EVC: variants seen among roughly 807,000 people sequenced by gnomAD.
EVC encodes the protein EvC ciliary complex subunit 1.
A neutral mutation model predicts 118.9 loss-of-function variants in EVC; 116 were observed. That is an observed-to-expected ratio of 0.98 (90% CI 0.84 to 1.14). The LOEUF (loss-of-function observed/expected upper bound fraction) is 1.14. EVC is among the 50% of genes most tolerant of loss of function. The pLI is 0.00. For synonymous variants in EVC, 619 were observed against 534.7 expected (o/e 1.16, Z -2.18); for missense variants, 1,401 against 1,246.4 (o/e 1.12, Z -1.87).
At chr4:5,758,276 G>C (rs920474022) in intron 11 of EVC, 2 of 581,080 alleles carry the variant, frequency 3.4e-6, no homozygotes, top group Non-Finnish European at 6.1e-6. Context: ...ATGCCCTCCG[G>C]AACGGTGAGA....
intron 13 of EVC, among the ~76,000 whole-genome samples, chr4:5,795,972 A>T (rs1219577165): frequency 6.6e-6 from 1 of 151,138 alleles, no homozygotes; most frequent in Non-Finnish European, 1.5e-5. Context: ...TTTATCCCAT[A>T]TGTCTCTTAC....
rs145280084 is a variant in EVC, at chr4:5,742,490, C to A, written c.801+676C>A. On this transcript the variant is annotated intron_variant, in intron 6 of 20. Transcript: ENST00000264956. The surrounding 1 kb of genome is among the most constrained non-coding windows in gnomAD (Gnocchi z 5.2). The stretch of plus-strand genomic sequence containing the variant: ...CACCACCACTATTACTATCACAGTT[C>A]TCTTCTTCATCATGTCATTGTTGTC... 1.3e-5 allele frequency among the ~76,000 whole-genome samples: 2 copies of A among 151,934 alleles called. No individual in the cohort carries two copies. The highest frequency in any genetic ancestry group is 2.9e-5 in the Non-Finnish European group (2 of 67,964).
chr4:5,745,366 T>A, intron 7 of EVC, 25 bp downstream of exon 7: 1 of 1,606,392 alleles, frequency 6.2e-7, no homozygotes, highest in South Asian at 1.1e-5. Context: ...TTCTTTCCTG[T>A]ACACAAATTT....
At chr4:5,766,875 T>C (rs988641279) in intron 11 of EVC, among the ~76,000 whole-genome samples, 3 of 151,874 alleles carry the variant, frequency 2.0e-5, no homozygotes, top group African/African-American at 7.3e-5. Context: ...CAGAGTAATT[T>C]GATCGTCTGA....
In EVC at chr4:5,742,070, T is replaced by C. The variant is rs930215567; in HGVS notation, c.801+256T>C. Among the ~76,000 whole-genome samples the C allele has an allele frequency of 6.6e-6, 1 of 152,238 alleles. No individual in the cohort carries two copies. The highest frequency in any genetic ancestry group is 1.5e-5 in the Non-Finnish European group (1 of 68,052). On this transcript the variant is annotated intron_variant, in intron 6 of 20. Coordinates refer to ENST00000264956, the MANE Select transcript of EVC (RefSeq NM_153717.3). The surrounding 1 kb of genome is among the most constrained non-coding windows in gnomAD (Gnocchi z 5.2). Reference sequence around the variant, plus strand: ...ACTCAAAGACGGTCACTGTTAATGTTTTTTTCTGCACACATTTGGGATATT... The same window carrying C: ...ACTCAAAGACGGTCACTGTTAATGTCTTTTTCTGCACACATTTGGGATATT...
chr4:5,742,382 C>T lies in EVC; in HGVS notation c.801+568C>T, dbSNP rs1192243583. Among the ~76,000 whole-genome samples the T allele has an allele frequency of 6.6e-6, 1 of 152,104 alleles. No individual in the cohort carries two copies. Among genetic ancestry groups the T allele is most frequent in the Non-Finnish European group, 1.5e-5 (1 of 68,012 alleles). Reference sequence around the variant, plus strand: ...ATAGTTGGCTGTGAATATGTGATGGCTGCTGTCATCCTCATTATCACAACC... The same window carrying T: ...ATAGTTGGCTGTGAATATGTGATGGTTGCTGTCATCCTCATTATCACAACC... On this transcript the variant is annotated intron_variant, in intron 6 of 20. Coordinates refer to ENST00000264956, the MANE Select transcript of EVC (RefSeq NM_153717.3). This position sits in a 1 kb window ranked among gnomAD's most constrained non-coding sequence, Gnocchi z 5.2.
chr4:5,728,088 G>A (rs191311552), intron 2 of EVC, among the ~76,000 whole-genome samples: 94 of 152,118 alleles, frequency 6.2e-4, no homozygotes, highest in Admixed American at 5.0e-3. Context: ...ACTTTAAAGT[G>A]GTTTTTTCCA....
At chr4:5,723,562 G>C (rs1725329264) in intron 2 of EVC, among the ~76,000 whole-genome samples, 1 of 152,120 alleles carries the variant, frequency 6.6e-6, no homozygotes, top group Non-Finnish European at 1.5e-5. Context: ...CAGGGATTTT[G>C]CTTTTCTCTC....
chr4:5,810,393 TG>T lies in EVC; in HGVS notation c.2842del (p.Val948CysfsTer22). 6.2e-7 allele frequency: 1 copy of T among 1,613,914 alleles called. No homozygotes were observed. Among genetic ancestry groups the T allele is most frequent in the Non-Finnish European group, 8.5e-7 (1 of 1,179,976 alleles). On this transcript the variant is annotated frameshift_variant, in exon 20 of 21. Transcript: ENST00000264956. LOFTEE classifies it high-confidence loss of function. ...KKPLPQERGDLGVPNNEDLAS... is the reference protein window; with the variant it reads ...KKPLPQERGDXGVPNNEDLAS... ...CCCCTGCCCCAGGAAAGAGGGGACCTGGGGGTGCCCAACAATGAGGACCTTG... is the reference window on the plus strand; with the variant it reads ...CCCCTGCCCCAGGAAAGAGGGGACCTGGGGTGCCCAACAATGAGGACCTTG...
chr4:5,727,306 A>G (rs1293418767), intron 2 of EVC, among the ~76,000 whole-genome samples: 1 of 152,108 alleles, frequency 6.6e-6, no homozygotes, highest in African/African-American at 2.4e-5. Flanking sequence ...TTTGATGTGC[A>G]TTTCTCTGAT....
chr4:5,741,580 G>C (rs930417068), intron 5 of EVC, 136 bp from the exon 6 acceptor site: 2 of 601,120 alleles, frequency 3.3e-6, no homozygotes, highest in South Asian at 3.9e-5. Context: ...AAAAATATAC[G>C]TGAAGAGAGG....
chr4:5,825,292 C>T, the EVC span: 1 of 985,296 alleles, frequency 1.0e-6, no homozygotes, highest in Admixed American at 6.1e-5. The surrounding 1 kb of genome is among the most constrained non-coding windows in gnomAD (Gnocchi z 4.4). Context: ...TGTTGCCCCC[C>T]TAACATGGAC....
intron 5 of EVC, among the ~76,000 whole-genome samples, chr4:5,736,743 G>C (rs1285693481): frequency 2.0e-5 from 3 of 152,160 alleles, no homozygotes; most frequent in Admixed American, 2.0e-4. Flanking sequence ...GCCAGTATGA[G>C]ACAACAAACT....
At chr4:5,825,692 A>G in the EVC span, 2 of 1,607,874 alleles carry the variant, frequency 1.2e-6, no homozygotes, top group Non-Finnish European at 1.7e-6. This position sits in a 1 kb window ranked among gnomAD's most constrained non-coding sequence, Gnocchi z 4.4. Flanking sequence ...TGATTGATCG[A>G]CACTGTGCAT....
At chr4:5,820,586 T>C in the EVC span, among the ~76,000 whole-genome samples, 3 of 152,254 alleles carry the variant, frequency 2.0e-5, no homozygotes, top group South Asian at 6.2e-4. Flanking sequence ...TTCCCTCTCT[T>C]CGCCTCCTTG....
chr4:5,743,014 G>A lies in EVC; in HGVS notation c.801+1200G>A, dbSNP rs550194379. On this transcript the variant is annotated intron_variant, in intron 6 of 20. Coordinates refer to ENST00000264956, the MANE Select transcript of EVC (RefSeq NM_153717.3). The surrounding 1 kb of genome is among the most constrained non-coding windows in gnomAD (Gnocchi z 4.7). ...CACTTTCAATTACATGCAAATGAAA[G>A]GGCAGTTCATTGCAAATTGAGGGAC... Among the ~76,000 whole-genome samples, 8 of 152,330 alleles carry A rather than the reference G, an allele frequency of 5.3e-5. No individual in the cohort carries two copies. Among genetic ancestry groups the A allele is most frequent in the African/African-American group, 1.7e-4 (7 of 41,582 alleles).
downstream of EVC, among the ~76,000 whole-genome samples, chr4:5,815,023 A>G (rs1717456126): frequency 6.6e-6 from 1 of 151,996 alleles, no homozygotes; most frequent in African/African-American, 2.4e-5. Flanking sequence ...AATCCCACTA[A>G]ACCCAACTCA....
chr4:5,778,383 T>C (rs1577541913), intron 11 of EVC, among the ~76,000 whole-genome samples: 1 of 151,968 alleles, frequency 6.6e-6, no homozygotes, highest in African/African-American at 2.4e-5. Flanking sequence ...CAAATGGTAT[T>C]TCTAGTTCTA....
chr4:5,757,872 G>A (rs1731417887), intron 11 of EVC, among the ~76,000 whole-genome samples: 1 of 147,160 alleles, frequency 6.8e-6, no homozygotes, highest in Admixed American at 6.7e-5. Context: ...TGGGATATTG[G>A]AGGTTAGGGC....
Sources: gnomAD v4.1 joint callset for allele counts (sites outside exome capture counted in the v4.1 genomes callset) on GRCh38, gnomAD v4.1.1 for gene constraint, Gnocchi (gnomAD v3.1) non-coding constraint, MANE v1.5 for transcripts, NCBI Gene and HGNC (gene_info 2026-07-23, HGNC 2026-07-21) for gene names.